CCDC171: variants seen among roughly 807,000 people sequenced by gnomAD.
CCDC171 encodes the protein coiled-coil domain containing 171.
Under a neutral mutation model 168.2 loss-of-function variants are expected in CCDC171, and 177 were observed. That is an observed-to-expected ratio of 1.05 (90% CI 0.93 to 1.19). The LOEUF (loss-of-function observed/expected upper bound fraction) is 1.19. CCDC171 is among the 50% of genes most tolerant of loss of function. CCDC171 has a pLI of 0.00. For synonymous variants in CCDC171, 687 were observed against 540.8 expected, an observed-to-expected ratio of 1.27 and a Z score of -3.75; for missense variants, 1,991 against 1,539.0, an observed-to-expected ratio of 1.29 and a Z score of -4.91.
At chr9:15,901,494 C>G (rs549608926) in intron 24 of CCDC171, among the ~76,000 whole-genome samples, 4 of 152,228 alleles carry the variant, frequency 2.6e-5, no homozygotes, top group Admixed American at 6.5e-5. Context: ...TTCTGTGAAC[C>G]TAAAATTGCT....
intron 7 of CCDC171, among the ~76,000 whole-genome samples, chr9:15,650,114 C>T (rs895192285): frequency 6.6e-6 from 1 of 152,148 alleles, no homozygotes; most frequent in Admixed American, 6.5e-5. Flanking sequence ...ATGGATGAAG[C>T]TGGAAACCAT....
intron 4 of CCDC171, among the ~76,000 whole-genome samples, chr9:15,586,934 A>T (rs898548577): frequency 2.0e-5 from 3 of 152,178 alleles, no homozygotes; most frequent in East Asian, 3.9e-4. Flanking sequence ...CAGCCTCCTG[A>T]GTAGTTAGGA....
intron 3 of CCDC171, among the ~76,000 whole-genome samples, chr9:16,005,788 C>CT (rs1363423950): frequency 6.6e-6 from 1 of 152,032 alleles, no homozygotes; most frequent in African/African-American, 2.4e-5. Flanking sequence ...GTGTCCTGGG[C>CT]TAGGGGTGAG....
intron 25 of CCDC171, among the ~76,000 whole-genome samples, chr9:15,954,731 A>G (rs1264575461): frequency 6.6e-6 from 1 of 151,386 alleles, no homozygotes; most frequent in Non-Finnish European, 1.5e-5. Flanking sequence ...CATTTCAGTC[A>G]TTTTAATTTT....
At chr9:15,857,153 C>T (rs2061376528) in intron 23 of CCDC171, among the ~76,000 whole-genome samples, 1 of 151,908 alleles carries the variant, frequency 6.6e-6, no homozygotes, top group South Asian at 2.1e-4. Context: ...AGTATTTTCT[C>T]TTATCCCACA....
At chr9:15,651,518 A>T (rs746975625) in intron 7 of CCDC171, among the ~76,000 whole-genome samples, 21 of 152,102 alleles carry the variant, frequency 1.4e-4, no homozygotes, top group Non-Finnish European at 3.1e-4. Context: ...CAGCCTTCCA[A>T]AGTGCTAGGA....
In CCDC171 at chr9:15,973,839, A is replaced by G. The variant is rs534680510; in HGVS notation, c.*2003A>G. 1.3e-5 allele frequency: 2 copies of G among 152,274 alleles called. No homozygotes were observed. The highest frequency in any genetic ancestry group is 4.1e-4 in the South Asian group (2 of 4,834). 9.4% of individuals were successfully genotyped at this position (152,274 alleles called of 1,614,324 possible). ...CTTACAATTCTCACTAGAGAAGAAC[A>G]AGGTTACTATATGTAACCTCTATGT... On this transcript the variant is annotated 3_prime_UTR_variant, in exon 26 of 26. Coordinates refer to ENST00000380701, the MANE Select transcript of CCDC171 (RefSeq NM_173550.4).
chr9:15,875,227 T>A (rs1817686490), intron 24 of CCDC171: 1 of 152,034 alleles, frequency 6.6e-6, no homozygotes, highest in Non-Finnish European at 1.5e-5. Context: ...CATTGTAAGA[T>A]GTGCAAATTG....
At chr9:15,678,722 G>A (rs2049821041) in intron 9 of CCDC171, 36 bp from the exon 10 acceptor site, 1 of 1,554,004 alleles carries the variant, frequency 6.4e-7, no homozygotes, top group African/African-American at 1.4e-5. Context: ...ATGTAAGCAT[G>A]TTTGAAAAAC....
intron 25 of CCDC171, among the ~76,000 whole-genome samples, chr9:15,930,109 C>A (rs919156105): frequency 6.6e-6 from 1 of 151,638 alleles, no homozygotes; most frequent in African/African-American, 2.4e-5. Flanking sequence ...TTATAATGAT[C>A]AGATTTTAAT....
chr9:15,747,937 A>G (rs771669065), intron 18 of CCDC171, among the ~76,000 whole-genome samples: 2 of 152,208 alleles, frequency 1.3e-5, no homozygotes, highest in Admixed American at 6.5e-5. Flanking sequence ...AAGATGAGTA[A>G]TAACAAACTT....
chr9:15,622,782 A>T (rs1179331956), intron 6 of CCDC171, among the ~76,000 whole-genome samples: 4 of 152,236 alleles, frequency 2.6e-5, no homozygotes, highest in Non-Finnish European at 5.9e-5. Context: ...AGAGGAAATG[A>T]AACACAGCCA....
intron 10 of CCDC171, among the ~76,000 whole-genome samples, chr9:15,685,273 C>G (rs1243466744): frequency 6.6e-6 from 1 of 152,142 alleles, no homozygotes; most frequent in Non-Finnish European, 1.5e-5. Flanking sequence ...TTTTCATTCT[C>G]AAATTCCTTG....
At chr9:15,885,096 A>G (rs2131388926) in intron 24 of CCDC171, among the ~76,000 whole-genome samples, 1 of 152,336 alleles carries the variant, frequency 6.6e-6, no homozygotes, top group Non-Finnish European at 1.5e-5. Flanking sequence ...CTGTTTCCAT[A>G]TTTTGAAACA....
At chr9:15,555,387 T>C (rs1427096204) in intron 1 of CCDC171, among the ~76,000 whole-genome samples, 2 of 152,192 alleles carry the variant, frequency 1.3e-5, no homozygotes, top group East Asian at 3.8e-4. Flanking sequence ...GTGAAGGTGC[T>C]ATCTGGATTG....
At chr9:15,976,198 A>T (rs949997020), downstream of CCDC171, among the ~76,000 whole-genome samples, 6 of 152,344 alleles carry the variant, frequency 3.9e-5, 1 homozygote, top group Admixed American at 3.9e-4. Flanking sequence ...TGTCACAGCC[A>T]CCGAAGGAAA....
intron 1 of CCDC171, among the ~76,000 whole-genome samples, chr9:15,554,764 G>A (rs570465823): frequency 1.3e-5 from 2 of 152,262 alleles, no homozygotes; most frequent in South Asian, 4.1e-4. Flanking sequence ...GAAAGAGGAT[G>A]GACTTAGCCA....
intron 4 of CCDC171, 71 bp downstream of exon 4, chr9:15,579,094 T>C (rs1324231855): frequency 2.5e-6 from 3 of 1,215,036 alleles, no homozygotes; most frequent in Non-Finnish European, 3.5e-6. Context: ...CGCTGTTGTG[T>C]GTACATCCCA....
At chr9:15,610,382 G>T (rs958276842) in intron 6 of CCDC171, among the ~76,000 whole-genome samples, 11 of 139,416 alleles carry the variant, frequency 7.9e-5, no homozygotes, top group African/African-American at 3.0e-4. Context: ...CAAGGCGGGT[G>T]GATCACCTGA....
Sources: allele counts gnomAD v4.1 joint callset (sites outside exome capture counted in the v4.1 genomes callset), GRCh38; gene constraint gnomAD v4.1.1; transcripts MANE v1.5; gene names NCBI Gene and HGNC (gene_info 2026-07-23, HGNC 2026-07-21).